The following UBE2E2 variants were observed in gnomAD, a reference collection of about 807,000 sequenced individuals.
The protein encoded by UBE2E2 is ubiquitin conjugating enzyme E2 E2, also known as ubiquitin-conjugating enzyme E2 E2.
Under a neutral mutation model 24.7 loss-of-function variants are expected in UBE2E2, and 6 were observed. The ratio of observed to expected loss-of-function variants is 0.24; its 90% CI spans 0.13 to 0.48. UBE2E2 has a LOEUF of 0.48. Ranked by LOEUF, UBE2E2 falls within the 20% of genes least tolerant of loss-of-function variation. The pLI, the probability that UBE2E2 is intolerant of heterozygous loss-of-function variation, is 0.99. For missense variants in UBE2E2, 169 were observed against 245.0 expected (o/e 0.69, Z 2.07); for synonymous variants, 104 against 83.6 (o/e 1.24, Z -1.33).
chr3:23,464,182 G>A (rs79656534), intron 3 of UBE2E2, among the ~76,000 whole-genome samples: 4,571 of 152,140 alleles, frequency 0.03, 111 homozygotes, highest in East Asian at 0.13. Flanking sequence ...CCTGACCCCC[G>A]AAATCAACAG....
intron 3 of UBE2E2, among the ~76,000 whole-genome samples, chr3:23,221,440 C>G (rs1696638394): frequency 6.6e-6 from 1 of 152,168 alleles, no homozygotes. Context: ...TTAGCAGTCA[C>G]TCCTTCCCCA....
intron 3 of UBE2E2, among the ~76,000 whole-genome samples, chr3:23,324,436 A>T (rs1033880399): frequency 6.6e-6 from 1 of 152,112 alleles, no homozygotes; most frequent in African/African-American, 2.4e-5. Flanking sequence ...AGGAAGGTGT[A>T]ATTAGTGTCT....
At chr3:23,450,055 A>G (rs1027653644) in intron 3 of UBE2E2, 2 of 390,958 alleles carry the variant, frequency 5.1e-6, no homozygotes, top group Non-Finnish European at 7.0e-6. Context: ...TTTGTCTGTT[A>G]TGGGAATTGG....
At chr3:23,458,629 G>C (rs775491681) in intron 3 of UBE2E2, among the ~76,000 whole-genome samples, 1 of 152,114 alleles carries the variant, frequency 6.6e-6, no homozygotes, top group Non-Finnish European at 1.5e-5. Flanking sequence ...GTGTTAGCCA[G>C]GATGGTCTCA....
chr3:23,203,411 C>T lies in UBE2E2; in HGVS notation c.-62C>T. 8 of 984,882 alleles carry T rather than the reference C, an allele frequency of 8.1e-6. No homozygotes were observed. The highest frequency in any genetic ancestry group is 9.6e-6 in the Non-Finnish European group (8 of 829,872). 61.0% of individuals were successfully genotyped at this position (984,882 alleles called of 1,614,324 possible). On this transcript the variant is annotated 5_prime_UTR_variant, in exon 1 of 6. Transcript: ENST00000396703. The stretch of plus-strand genomic sequence containing the variant: ...CCCTCCCCCTCGCGCCTGGGCAGCT[C>T]TCTCCCAGGGCTTCGGCTCGAGCCT...
intron 3 of UBE2E2, among the ~76,000 whole-genome samples, chr3:23,310,781 A>G (rs1437668988): frequency 6.6e-6 from 1 of 152,174 alleles, no homozygotes; most frequent in Admixed American, 6.5e-5. Flanking sequence ...AGTTGATGGC[A>G]TGAGTGTGAA....
chr3:23,410,818 G>A (rs1331257280), intron 3 of UBE2E2, among the ~76,000 whole-genome samples: 1 of 152,174 alleles, frequency 6.6e-6, no homozygotes, highest in East Asian at 1.9e-4. Flanking sequence ...TCTGTCTGAT[G>A]TAATATAACA....
chr3:23,236,559 T>C (rs892036067), intron 3 of UBE2E2, among the ~76,000 whole-genome samples: 33 of 151,802 alleles, frequency 2.2e-4, no homozygotes, highest in African/African-American at 8.0e-4. Flanking sequence ...TTTCTCTTAC[T>C]ATAGATTATT....
At chr3:23,462,700 A>G (rs1203174330) in intron 3 of UBE2E2, among the ~76,000 whole-genome samples, 1 of 152,104 alleles carries the variant, frequency 6.6e-6, no homozygotes, top group East Asian at 1.9e-4. Flanking sequence ...GAAAAAAAAT[A>G]CTTTTGATGC....
At chr3:23,575,596 G>A (rs1237955034) in intron 5 of UBE2E2, among the ~76,000 whole-genome samples, 1 of 151,988 alleles carries the variant, frequency 6.6e-6, no homozygotes, top group African/African-American at 2.4e-5. Flanking sequence ...CAGGTACAAC[G>A]ACAGATTATT....
intron 3 of UBE2E2, among the ~76,000 whole-genome samples, chr3:23,368,743 A>G (rs1696325241): frequency 6.6e-6 from 1 of 152,156 alleles, no homozygotes; most frequent in South Asian, 2.1e-4. Context: ...ATCAAAATGG[A>G]ATGGAAGATG....
chr3:23,256,098 C>A (rs1481435079), intron 3 of UBE2E2, among the ~76,000 whole-genome samples: 3 of 152,202 alleles, frequency 2.0e-5, no homozygotes, highest in African/African-American at 4.8e-5. Context: ...ATAAAGAGAT[C>A]ATTCTGTTTT....
intron 3 of UBE2E2, among the ~76,000 whole-genome samples, chr3:23,288,811 G>A (rs556728730): frequency 7.3e-5 from 11 of 151,712 alleles, no homozygotes; most frequent in African/African-American, 2.4e-4. Flanking sequence ...ACTTCATAAC[G>A]TCTAGAAATA....
intron 3 of UBE2E2, among the ~76,000 whole-genome samples, chr3:23,386,799 T>C (rs544115200): frequency 7.2e-4 from 110 of 152,346 alleles, no homozygotes; most frequent in African/African-American, 2.5e-3. Flanking sequence ...GTAGAATGAC[T>C]GTTTTCCTCT....
At chr3:23,359,369 G>T (rs564329344) in intron 3 of UBE2E2, among the ~76,000 whole-genome samples, 1 of 152,288 alleles carries the variant, frequency 6.6e-6, no homozygotes, top group South Asian at 2.1e-4. Flanking sequence ...GTGAGGACTG[G>T]AGAAATCACC....
At chr3:23,210,128 G>C (rs995752493) in intron 2 of UBE2E2, among the ~76,000 whole-genome samples, 3 of 152,140 alleles carry the variant, frequency 2.0e-5, no homozygotes, top group African/African-American at 7.2e-5. Context: ...GATGAGAAAG[G>C]TGGGGAATAG....
intron 3 of UBE2E2, among the ~76,000 whole-genome samples, chr3:23,469,925 T>C (rs1575650951): frequency 6.6e-6 from 1 of 152,332 alleles, no homozygotes; most frequent in East Asian, 1.9e-4. Context: ...CTGGCAAGTG[T>C]CTGAATAAGG....
intron 3 of UBE2E2, among the ~76,000 whole-genome samples, chr3:23,387,888 G>T (rs1202982012): frequency 1.3e-5 from 2 of 152,104 alleles, no homozygotes; most frequent in African/African-American, 4.8e-5. Context: ...TGCTAGTGGG[G>T]TCACATCTAG....
In UBE2E2 at chr3:23,277,478, C is replaced by T. The variant is rs1214574235; in HGVS notation, c.227+60166C>T. 2.0e-5 allele frequency among the ~76,000 whole-genome samples: 3 copies of T among 152,072 alleles called. No individual in the cohort carries two copies. The East Asian group carries it at 5.8e-4, about 29-fold the overall frequency. ...TGTAAACCTCATAGACTATCTAACT[C>T]TAAGAACTAGAGCCAAAACCACTGC... On this transcript the variant is annotated intron_variant, in intron 3 of 5. Transcript: ENST00000396703.
Sources: gnomAD v4.1 joint callset for allele counts (sites outside exome capture counted in the v4.1 genomes callset) on GRCh38, gnomAD v4.1.1 for gene constraint, MANE v1.5 for transcripts, NCBI Gene and HGNC (gene_info 2026-07-23, HGNC 2026-07-21) for gene names.